FHIP1A: variants seen among roughly 807,000 people sequenced by gnomAD.
The protein encoded by FHIP1A is FHF complex subunit HOOK-interacting protein 1A.
A neutral mutation model predicts 88.6 loss-of-function variants in FHIP1A; 61 were observed. The observed-to-expected ratio is 0.69, with a 90% CI of 0.56 to 0.85. The LOEUF (loss-of-function observed/expected upper bound fraction) is 0.85. Ranked by LOEUF, FHIP1A falls within the 40% of genes least tolerant of loss-of-function variation. The probability of loss-of-function intolerance (pLI) is 0.00; values close to 1 mark genes in which losing one functional copy is unlikely to be tolerated. For synonymous variants in FHIP1A, 478 were observed against 496.0 expected (o/e 0.96, Z 0.48); for missense variants, 1,154 against 1,273.5 (o/e 0.91, Z 1.43).
At chr4:151,505,803 T>C (rs1350091557) in intron 3 of FHIP1A, among the ~76,000 whole-genome samples, 2 of 152,102 alleles carry the variant, frequency 1.3e-5, no homozygotes, top group Non-Finnish European at 2.9e-5. Flanking sequence ...ATAGTGAAAA[T>C]TTTTTAAAAA....
chr4:151,456,926 C>A (rs1211625162), intron 2 of FHIP1A, among the ~76,000 whole-genome samples: 1 of 151,136 alleles, frequency 6.6e-6, no homozygotes, highest in Non-Finnish European at 1.5e-5. Context: ...TTGAAAAAAA[C>A]CTATTTGTTT....
At position 151,629,742 on chromosome 4, in the gene FHIP1A, A is replaced by G. The variant is rs1333928346; in HGVS notation, c.1019A>G (p.Asp340Gly). 1.3e-6 allele frequency: 2 copies of G among 1,551,112 alleles called. No homozygotes were observed. Among genetic ancestry groups the G allele is most frequent in the East Asian group, 4.9e-5 (2 of 40,898 alleles). Reference sequence around the variant, plus strand: ...GTCATGACCACAACTGCATATCTGGACCTTTTCCTGCGTAGCATCTCCGAG... The same window carrying G: ...GTCATGACCACAACTGCATATCTGGGCCTTTTCCTGCGTAGCATCTCCGAG... ...EEVMTTTAYLDLFLRSISEPA... is the reference protein window; with the variant it reads ...EEVMTTTAYLGLFLRSISEPA... Residue 340 changes from aspartate (D) to glycine (G), a missense_variant, in exon 8 of 14, where the codon GAC (aspartate) becomes GGC (glycine). Physicochemically the swap from Asp to Gly is moderately conservative, Grantham distance 94. Coordinates refer to ENST00000435205, the MANE Select transcript of FHIP1A (RefSeq NM_001109977.3).
intron 3 of FHIP1A, among the ~76,000 whole-genome samples, chr4:151,537,165 A>G (rs1225856009): frequency 2.0e-5 from 3 of 151,964 alleles, no homozygotes; most frequent in South Asian, 2.1e-4. Context: ...GGTGTGAGCC[A>G]TTGTCCCAGC....
chr4:151,616,113 G>C (rs759727412), intron 7 of FHIP1A, among the ~76,000 whole-genome samples: 1 of 152,184 alleles, frequency 6.6e-6, no homozygotes, highest in African/African-American at 2.4e-5. Flanking sequence ...TCAGTCTAGA[G>C]TATAAAGCAT....
intron 1 of FHIP1A, among the ~76,000 whole-genome samples, chr4:151,431,984 C>CT (rs1348173715): frequency 6.6e-6 from 1 of 152,208 alleles, no homozygotes; most frequent in African/African-American, 2.4e-5. Flanking sequence ...TAAAGCAAAG[C>CT]TGGTGACCTT....
intron 8 of FHIP1A, among the ~76,000 whole-genome samples, chr4:151,635,834 T>TG (rs1736332019): frequency 6.6e-6 from 1 of 152,026 alleles, no homozygotes; most frequent in Non-Finnish European, 1.5e-5. Flanking sequence ...TTACCACTAG[T>TG]GATTTGTATG....
chr4:151,546,010 G>C lies in FHIP1A; in HGVS notation c.-122-20128G>C, dbSNP rs116493141. 3.1e-3 allele frequency among the ~76,000 whole-genome samples: 474 copies of C among 152,264 alleles called. 3 individuals are homozygous for C. The highest frequency in any genetic ancestry group is 0.011 in the African/African-American group (455 of 41,550). On this transcript the variant is annotated intron_variant, in intron 3 of 13. Coordinates refer to ENST00000435205, the MANE Select transcript of FHIP1A (RefSeq NM_001109977.3). ...TAAAGTGTCACTTCTGGGTGTGTCTGTGCGGTGTTCCCAGAGGAGATCAGT... is the reference window on the plus strand; with the variant it reads ...TAAAGTGTCACTTCTGGGTGTGTCTCTGCGGTGTTCCCAGAGGAGATCAGT...
intron 1 of FHIP1A, among the ~76,000 whole-genome samples, chr4:151,414,432 C>A (rs762845715): frequency 5.9e-5 from 9 of 152,146 alleles, no homozygotes; most frequent in Non-Finnish European, 1.3e-4. Context: ...CTTAAATTTC[C>A]ATTTTGAAAA....
chr4:151,599,295 G>A (rs903200248), intron 7 of FHIP1A, among the ~76,000 whole-genome samples: 1 of 152,168 alleles, frequency 6.6e-6, no homozygotes, highest in Non-Finnish European at 1.5e-5. Flanking sequence ...AGCTAGTTTT[G>A]TTGTCTCTGT....
chr4:151,623,619 G>C (rs1371033363), intron 7 of FHIP1A, among the ~76,000 whole-genome samples: 1 of 138,454 alleles, frequency 7.2e-6, no homozygotes, highest in Non-Finnish European at 1.5e-5. Flanking sequence ...TCCTTTCTAT[G>C]TGTTGAGATT....
At position 151,665,887 on chromosome 4, in the gene FHIP1A, C is replaced by T. The variant is rs1465954613; in HGVS notation, c.*3133C>T. 1.3e-5 allele frequency among the ~76,000 whole-genome samples: 2 copies of T among 152,248 alleles called. No individual in the cohort carries two copies. The highest frequency in any genetic ancestry group is 2.4e-5 in the African/African-American group (1 of 41,464). On this transcript the variant is annotated 3_prime_UTR_variant, in exon 14 of 14. Coordinates refer to ENST00000435205, the MANE Select transcript of FHIP1A (RefSeq NM_001109977.3). ...CTATGTGACAGGCTCCTACACCAGT[C>T]GCTGTGCTCCTTGCTGGAAGAATGT...
Position 151,656,065 on chromosome 4 carries a change from C to T in FHIP1A, c.2552-167C>T, listed in dbSNP as rs1252428161. 2.0e-5 allele frequency among the ~76,000 whole-genome samples: 3 copies of T among 151,708 alleles called. No individual in the cohort carries two copies. The highest frequency in any genetic ancestry group is 4.4e-5 in the Non-Finnish European group (3 of 67,982). On this transcript the variant is annotated intron_variant, in intron 11 of 13. Transcript: ENST00000435205. This position sits in a 1 kb window ranked among gnomAD's most constrained non-coding sequence, Gnocchi z 4.2. ...CTTTTTGCCATGGTGGTTTGTTTTCCGTTTTGGTTTTGAGGCAGGAGAAAA... is the reference window on the plus strand; with the variant it reads ...CTTTTTGCCATGGTGGTTTGTTTTCTGTTTTGGTTTTGAGGCAGGAGAAAA...
At chr4:151,527,547 G>A (rs930233955) in intron 3 of FHIP1A, among the ~76,000 whole-genome samples, 9 of 151,956 alleles carry the variant, frequency 5.9e-5, no homozygotes, top group African/African-American at 1.7e-4. Flanking sequence ...TGGGGAGAGC[G>A]AGAGCGAGAG....
intron 1 of FHIP1A, among the ~76,000 whole-genome samples, chr4:151,443,724 TTTA>T (rs1728494644): frequency 3.4e-5 from 5 of 148,154 alleles, no homozygotes; most frequent in East Asian, 2.0e-4. Flanking sequence ...TGTGTGTGTG[TTTA>T]GTACTGGGTT....
At chr4:151,608,350 CTT>C (rs1735166571) in intron 7 of FHIP1A, among the ~76,000 whole-genome samples, 1 of 152,024 alleles carries the variant, frequency 6.6e-6, no homozygotes, top group Non-Finnish European at 1.5e-5. Flanking sequence ...CGACCCCTAA[CTT>C]TTGATTTTCT....
At chr4:151,514,399 G>A (rs1429721069) in intron 3 of FHIP1A, among the ~76,000 whole-genome samples, 166 of 150,834 alleles carry the variant, frequency 1.1e-3, no homozygotes, top group African/African-American at 3.8e-3. Flanking sequence ...AAGAACTAGA[G>A]AAGCAAGAGC....
chr4:151,465,910 A>G (rs945107093), intron 2 of FHIP1A, among the ~76,000 whole-genome samples: 2 of 152,158 alleles, frequency 1.3e-5, no homozygotes, highest in African/African-American at 4.8e-5. Flanking sequence ...AACCCATCCA[A>G]TATTATACTG....
rs528071356 is a variant in FHIP1A at position 151,461,617 on chromosome 4, A to T, written c.-248+6809A>T. Among the ~76,000 whole-genome samples the T allele has an allele frequency of 6.6e-5, 10 of 152,342 alleles. No homozygotes were observed. The Middle Eastern group carries it at 0.01, about 155-fold the overall frequency. On this transcript the variant is annotated intron_variant, in intron 2 of 13. Transcript: ENST00000435205. The stretch of plus-strand genomic sequence containing the variant: ...CCCCATGGATATGTATAATTATCAT[A>T]TGCCAATTAAAAATAAAATTTTAAA...
chr4:151,481,181 A>G (rs1320899572), intron 2 of FHIP1A, among the ~76,000 whole-genome samples: 1 of 152,060 alleles, frequency 6.6e-6, no homozygotes, highest in African/African-American at 2.4e-5. Context: ...TCTTTTGCAT[A>G]AGTAGTTGTG....
Sources: allele counts gnomAD v4.1 joint callset (sites outside exome capture counted in the v4.1 genomes callset), GRCh38; gene constraint gnomAD v4.1.1; non-coding constraint Gnocchi (gnomAD v3.1); transcripts MANE v1.5; gene names NCBI Gene and HGNC (gene_info 2026-07-23, HGNC 2026-07-21).